The following CREBZF variants were observed in gnomAD, a reference collection of about 807,000 sequenced individuals.
CREBZF encodes the protein HCF-binding transcription factor Zhangfei.
Under a neutral mutation model 21.1 loss-of-function variants are expected in CREBZF, and 8 were observed. The observed-to-expected ratio is 0.38, with a 90% CI of 0.22 to 0.68. The LOEUF is 0.68. Ranked by LOEUF, CREBZF falls within the 30% of genes least tolerant of loss-of-function variation. The probability of loss-of-function intolerance (pLI) is 0.51; values close to 1 mark genes in which losing one functional copy is unlikely to be tolerated. For missense variants in CREBZF, 518 were observed against 484.3 expected (o/e 1.07, Z -0.65); for synonymous variants, 270 against 223.3 (o/e 1.21, Z -1.86).
At position 85,663,468 on chromosome 11, in the gene CREBZF, A is replaced by G; in HGVS notation, c.*343T>C. On this transcript the variant is annotated 3_prime_UTR_variant, in exon 1 of 1. Transcript: ENST00000527447. ...ACACACACAAACTGAGATGTTGCCC[A>G]TTAAAGTAGACAAAGCAGCAGAGCA... 2 of 782,258 alleles carry G rather than the reference A, an allele frequency of 2.6e-6. No individual in the cohort carries two copies. The highest frequency in any genetic ancestry group is 4.5e-6 in the Non-Finnish European group (2 of 447,994). The allele number at this position is 782,258 out of a possible 1,614,324, so 48.5% of individuals were successfully genotyped here. A position where few individuals can be genotyped will look rare whatever the true frequency, so the allele number is the denominator to read the frequency against.
chr11:85,667,319 C>G (rs1003576094), upstream of CREBZF, among the ~76,000 whole-genome samples: 3 of 152,114 alleles, frequency 2.0e-5, no homozygotes, highest in Non-Finnish European at 4.4e-5. Context: ...GTGATCTGCC[C>G]GACTCAGCCT....
intron 1 of CREBZF, among the ~76,000 whole-genome samples, chr11:85,672,316 G>A (rs912045724): frequency 1.3e-5 from 2 of 152,322 alleles, no homozygotes; most frequent in Admixed American, 1.3e-4. Flanking sequence ...GTCATGGGTG[G>A]GGCTGCCTCG....
chr11:85,674,850 G>T (rs2082932625), intron 1 of CREBZF, among the ~76,000 whole-genome samples: 1 of 152,150 alleles, frequency 6.6e-6, no homozygotes, highest in African/African-American at 2.4e-5. Flanking sequence ...CTTGGCTGTG[G>T]TGCTTTTACT....
chr11:85,669,943 G>T (rs561465020), upstream of CREBZF, among the ~76,000 whole-genome samples: 25 of 152,144 alleles, frequency 1.6e-4, no homozygotes, highest in African/African-American at 6.0e-4. Flanking sequence ...AAGTAGCTGG[G>T]ATTACAGGTG....
chr11:85,667,484 A>G (rs552717991), upstream of CREBZF, among the ~76,000 whole-genome samples: 2 of 152,342 alleles, frequency 1.3e-5, no homozygotes, highest in East Asian at 1.9e-4. Context: ...TGAAGTAGGG[A>G]AAAAATGTTC....
rs1467228955 is a variant in CREBZF at position 85,665,106 on chromosome 11, C to T, written c.-231G>A. 2.4e-6 allele frequency: 1 copy of T among 418,878 alleles called. No individual in the cohort carries two copies. Among genetic ancestry groups the T allele is most frequent in the South Asian group, 1.1e-4 (1 of 8,874 alleles). The allele number at this position is 418,878 out of a possible 1,614,324, so 25.9% of individuals were successfully genotyped here. ...CCTGCGATGACTCGACCGCGCCACCCAGACAACGGCGTAGCCGGAAGTCAG... is the reference window on the plus strand; with the variant it reads ...CCTGCGATGACTCGACCGCGCCACCTAGACAACGGCGTAGCCGGAAGTCAG... On this transcript the variant is annotated 5_prime_UTR_variant, in exon 1 of 1. Coordinates refer to ENST00000527447, the MANE Select transcript of CREBZF (RefSeq NM_001039618.4).
chr11:85,665,725 A>G (rs573770659), upstream of CREBZF, among the ~76,000 whole-genome samples: 1 of 152,320 alleles, frequency 6.6e-6, no homozygotes, highest in South Asian at 2.1e-4. Flanking sequence ...AATTGTCTTC[A>G]GTTGTTCTTG....
rs993260904 is a variant in CREBZF at position 85,659,428 on chromosome 11, G to A, written c.*4383C>T. ...AATTATAACTAGCTGTACTGTAGGA[G>A]CATCAGCGCCTAAGTTTTAAGCCAG... is the stretch of plus-strand genomic sequence containing the variant. On this transcript the variant is annotated 3_prime_UTR_variant, in exon 1 of 1. Coordinates refer to ENST00000527447, the MANE Select transcript of CREBZF (RefSeq NM_001039618.4). Among the ~76,000 whole-genome samples, 1 of 152,080 alleles carries A rather than the reference G, an allele frequency of 6.6e-6. No individual in the cohort carries two copies. Among genetic ancestry groups the A allele is most frequent in the Non-Finnish European group, 1.5e-5 (1 of 67,934 alleles).
upstream of CREBZF, among the ~76,000 whole-genome samples, chr11:85,668,897 G>A (rs1373542584): frequency 6.7e-6 from 1 of 149,330 alleles, no homozygotes; most frequent in African/African-American, 2.5e-5. Flanking sequence ...AGCTACTCGG[G>A]AGGCTGAGGC....
At chr11:85,667,498 A>C (rs1040726351), upstream of CREBZF, among the ~76,000 whole-genome samples, 15 of 152,246 alleles carry the variant, frequency 9.9e-5, no homozygotes, top group African/African-American at 3.6e-4. Context: ...AATGTTCTTC[A>C]GGGAAGATGT....
chr11:85,663,526 G>T lies in CREBZF; in HGVS notation c.*285C>A. The T allele has an allele frequency of 9.1e-7, 1 of 1,100,108 alleles. No individual in the cohort carries two copies. Among genetic ancestry groups the T allele is most frequent in the Non-Finnish European group, 1.4e-6 (1 of 735,538 alleles). 68.1% of individuals were successfully genotyped at this position (1,100,108 alleles called of 1,614,324 possible). On this transcript the variant is annotated 3_prime_UTR_variant, in exon 1 of 1. Coordinates refer to ENST00000527447, the MANE Select transcript of CREBZF (RefSeq NM_001039618.4). The stretch of plus-strand genomic sequence containing the variant: ...TACGGGAAGAGATGGATCCTTACCA[G>T]GTTGTGAGGCGGGAACGACTGTTCT...
chr11:85,664,844 G>A lies in CREBZF; in HGVS notation c.32C>T (p.Ala11Val). 6.6e-7 allele frequency: 1 copy of A among 1,525,810 alleles called. No homozygotes were observed. 94.5% of individuals were successfully genotyped at this position (1,525,810 alleles called of 1,614,324 possible). A position where few individuals can be genotyped will look rare whatever the true frequency, so the allele number is the denominator to read the frequency against. ...GCGGGTTGGGGAGTTGCTGCCCGAG[G>A]CTGCCAGCAGCTTGGTCAGGCTATG... MRHSLTKLLAASGSNSPTRSE... is the reference protein window; with the variant it reads MRHSLTKLLAVSGSNSPTRSE... The change falls in exon 1 of 1, where the codon GCC becomes GTC. Residue 11 changes from alanine to valine, a missense_variant. Physicochemically the swap from Ala to Val is moderately conservative, Grantham distance 64 (BLOSUM62 0). Coordinates refer to ENST00000527447, the MANE Select transcript of CREBZF (RefSeq NM_001039618.4). This position sits in a 1 kb window ranked among gnomAD's most constrained non-coding sequence, Gnocchi z 5.5.
Position 85,663,438 on chromosome 11 carries a change from ATC to A in CREBZF, c.*371_*372del. On this transcript the variant is annotated 3_prime_UTR_variant, in exon 1 of 1. Coordinates refer to ENST00000527447, the MANE Select transcript of CREBZF (RefSeq NM_001039618.4). ...TTCCAAAACAGAAAAAAAAAAAAAA[ATC>A]ACACACACACAAACTGAGATGTTGC... 3 of 703,344 alleles carry A rather than the reference ATC, an allele frequency of 4.3e-6. No homozygotes were observed. The highest frequency in any genetic ancestry group is 2.5e-6 in the Non-Finnish European group (1 of 397,776). 43.6% of individuals were successfully genotyped at this position (703,344 alleles called of 1,614,324 possible). A position where few individuals can be genotyped will look rare whatever the true frequency, so the allele number is the denominator to read the frequency against.
chr11:85,660,439 A>T lies in CREBZF; in HGVS notation c.*3372T>A. 1 of 312,986 alleles carries T rather than the reference A, an allele frequency of 3.2e-6. No individual in the cohort carries two copies. The highest frequency in any genetic ancestry group is 6.2e-6 in the Non-Finnish European group (1 of 160,324). 19.4% of individuals were successfully genotyped at this position (312,986 alleles called of 1,614,324 possible). ...CATATCTCCATTTCTGGAAAGTGAA[A>T]TCAGTATAGAAGTAATTTGGGAACT... is the stretch of plus-strand genomic sequence containing the variant. On this transcript the variant is annotated 3_prime_UTR_variant, in exon 1 of 1. Transcript: ENST00000527447.
rs746876771 is a variant in CREBZF at position 85,664,077 on chromosome 11, G to A, written c.799C>T (p.Leu267=). 17 of 1,613,530 alleles carry A rather than the reference G, an allele frequency of 1.1e-5. No individual in the cohort carries two copies. The change falls in exon 1 of 1, where the codon CTA becomes TTA. Residue 267 remains leucine (L), a synonymous_variant. Coordinates refer to ENST00000527447, the MANE Select transcript of CREBZF (RefSeq NM_001039618.4). The surrounding 1 kb of genome is among the most constrained non-coding windows in gnomAD (Gnocchi z 5.5). ...GTCTCGTTGGCTAAGACTGCCCGTA[G>A]GTAGCGACTCTCCTCCTGCAGTGCC... ...VQALQEESRY[L]RAVLANETGL...
chr11:85,673,104 G>A (rs569288547), intron 1 of CREBZF, among the ~76,000 whole-genome samples: 7 of 152,218 alleles, frequency 4.6e-5, no homozygotes, highest in South Asian at 2.1e-4. Context: ...CAGCTTTTAC[G>A]TTTTTGCAAC....
In CREBZF at chr11:85,663,662, A is replaced by G; in HGVS notation, c.*149T>C. On this transcript the variant is annotated 3_prime_UTR_variant, in exon 1 of 1. Coordinates refer to ENST00000527447, the MANE Select transcript of CREBZF (RefSeq NM_001039618.4). ...AGGAGTTGGTTACTGTGTCACATTCATGCTTTTAGCTAAACACTTTAAGAT... is the reference window on the plus strand; with the variant it reads ...AGGAGTTGGTTACTGTGTCACATTCGTGCTTTTAGCTAAACACTTTAAGAT... The G allele has an allele frequency of 6.2e-7, 1 of 1,606,538 alleles. No individual in the cohort carries two copies. Among genetic ancestry groups the G allele is most frequent in the Non-Finnish European group, 8.5e-7 (1 of 1,176,290 alleles).
intron 1 of CREBZF, among the ~76,000 whole-genome samples, chr11:85,681,533 A>T (rs1407396592): frequency 6.6e-6 from 1 of 152,174 alleles, no homozygotes; most frequent in Admixed American, 6.5e-5. Context: ...GAACCAGACA[A>T]GTTCCTTAGG....
chr11:85,669,910 C>T (rs1191307413), upstream of CREBZF, among the ~76,000 whole-genome samples: 3 of 152,108 alleles, frequency 2.0e-5, no homozygotes, highest in African/African-American at 4.8e-5. Context: ...TGGGTTCAAG[C>T]GATTCTCCTG....
Sources: gnomAD v4.1 joint callset for allele counts (sites outside exome capture counted in the v4.1 genomes callset) on GRCh38, gnomAD v4.1.1 for gene constraint, Gnocchi (gnomAD v3.1) non-coding constraint, MANE v1.5 for transcripts, NCBI Gene and HGNC (gene_info 2026-07-23, HGNC 2026-07-21) for gene names.